IFNGR2: variants seen among roughly 807,000 people sequenced by gnomAD.
IFNGR2 encodes interferon gamma receptor 2.
IFNGR2 carries 15 observed loss-of-function variants against 41.1 expected under a neutral mutation model. That is an observed-to-expected ratio of 0.37 (90% CI 0.24 to 0.56). IFNGR2 has a LOEUF of 0.56. Among genes scored for constraint, IFNGR2 ranks in the 20% least tolerant of loss-of-function variants. The probability of loss-of-function intolerance (pLI) is 0.81; values close to 1 mark genes in which losing one functional copy is unlikely to be tolerated. For synonymous variants in IFNGR2, 161 were observed against 171.6 expected, an observed-to-expected ratio of 0.94 and a Z score of 0.48; for missense variants, 362 against 415.7, an observed-to-expected ratio of 0.87 and a Z score of 1.12.
intron 1 of IFNGR2, among the ~76,000 whole-genome samples, chr21:33,408,538 C>G (rs536556415): frequency 3.3e-5 from 5 of 152,146 alleles, no homozygotes; most frequent in Non-Finnish European, 7.4e-5. Flanking sequence ...ATGCCTGGAT[C>G]TGGGATAGGT....
chr21:33,431,615 C>G (rs760330032), intron 4 of IFNGR2, among the ~76,000 whole-genome samples: 60 of 152,322 alleles, frequency 3.9e-4, no homozygotes, highest in Non-Finnish European at 7.3e-4. Context: ...TGGAGTCTTG[C>G]TCTTCATCCA....
At chr21:33,419,320 C>A (rs569934570) in intron 2 of IFNGR2, among the ~76,000 whole-genome samples, 17 of 152,222 alleles carry the variant, frequency 1.1e-4, no homozygotes, top group South Asian at 1.0e-3. Flanking sequence ...GTTAGCTAGG[C>A]TGGTTTCGAA....
chr21:33,419,161 A>G (rs951056332), intron 2 of IFNGR2, among the ~76,000 whole-genome samples: 1 of 152,196 alleles, frequency 6.6e-6, no homozygotes, highest in Non-Finnish European at 1.5e-5. Context: ...GCTGGACTGC[A>G]GTGGCGTGAT....
intron 2 of IFNGR2, among the ~76,000 whole-genome samples, chr21:33,417,747 C>T (rs2083763810): frequency 1.3e-5 from 2 of 152,156 alleles, no homozygotes; most frequent in Admixed American, 1.3e-4. Flanking sequence ...ACATTACACC[C>T]TAGAGCTAAA....
chr21:33,408,993 A>G (rs1213495957), intron 1 of IFNGR2, among the ~76,000 whole-genome samples: 1 of 151,930 alleles, frequency 6.6e-6, no homozygotes, highest in African/African-American at 2.4e-5. Context: ...CCTGGCCAAG[A>G]TGGTGAAACG....
At chr21:33,411,422 T>A (rs2083714772) in intron 1 of IFNGR2, 1 of 470,906 alleles carries the variant, frequency 2.1e-6, no homozygotes, top group African/African-American at 2.0e-5. Context: ...AAGAAGAGAC[T>A]ATTCCTGTTG....
At chr21:33,413,179 G>T (rs1349153427) in intron 1 of IFNGR2, among the ~76,000 whole-genome samples, 1 of 152,146 alleles carries the variant, frequency 6.6e-6, no homozygotes, top group Non-Finnish European at 1.5e-5. Context: ...CCCCCCTCTG[G>T]AAGCATCCAG....
intron 1 of IFNGR2, among the ~76,000 whole-genome samples, chr21:33,405,139 A>G (rs1364062258): frequency 6.6e-6 from 1 of 151,184 alleles, no homozygotes; most frequent in Non-Finnish European, 1.5e-5. Flanking sequence ...AGAGGAAAAG[A>G]CCTTAATGAC....
chr21:33,414,882 C>T lies in IFNGR2; in HGVS notation c.74-6C>T, dbSNP rs958584242. On this transcript the variant is annotated splice_region_variant and splice_polypyrimidine_tract_variant and intron_variant, in intron 1 of 6. Coordinates refer to ENST00000290219, the MANE Select transcript of IFNGR2 (RefSeq NM_005534.4). ...CTCCCTCTTCTTTTTCTCTGTCCCC[C>T]TCAAGACCCTCTTTCCCAGCTGCCC... 28 of 1,611,858 alleles carry T rather than the reference C, an allele frequency of 1.7e-5. No homozygotes were observed. Among genetic ancestry groups the T allele is most frequent in the Middle Eastern group, 1.6e-4 (1 of 6,084 alleles).
chr21:33,406,395 A>C (rs1442430159), intron 1 of IFNGR2, among the ~76,000 whole-genome samples: 1 of 152,112 alleles, frequency 6.6e-6, no homozygotes, highest in Non-Finnish European at 1.5e-5. Context: ...AAAAAAAGAA[A>C]AGAAAAGTAG....
intron 1 of IFNGR2, among the ~76,000 whole-genome samples, chr21:33,409,434 G>A (rs1199815763): frequency 2.0e-5 from 3 of 152,072 alleles, no homozygotes; most frequent in Non-Finnish European, 2.9e-5. Context: ...ACGCCACTGC[G>A]ACACTGCACT....
chr21:33,411,001 C>A, intron 1 of IFNGR2: 1 of 825,136 alleles, frequency 1.2e-6, no homozygotes, highest in Non-Finnish European at 2.0e-6. Flanking sequence ...GGCCATGTGG[C>A]CTGGAACACA....
At chr21:33,429,468 C>CT (rs2083867249) in intron 4 of IFNGR2, among the ~76,000 whole-genome samples, 1 of 152,182 alleles carries the variant, frequency 6.6e-6, no homozygotes, top group African/African-American at 2.4e-5. Flanking sequence ...GGCCCATACT[C>CT]TGATTTTTTA....
chr21:33,420,317 C>T (rs940453496), intron 2 of IFNGR2, among the ~76,000 whole-genome samples: 10 of 152,050 alleles, frequency 6.6e-5, no homozygotes, highest in Non-Finnish European at 1.2e-4. Context: ...GGATACTGTC[C>T]GCTGCCCCTA....
At chr21:33,432,128 A>G in intron 4 of IFNGR2, 49 bp from the exon 5 acceptor site, 1 of 1,544,016 alleles carries the variant, frequency 6.5e-7, no homozygotes, top group Non-Finnish European at 9.0e-7. Context: ...AGATGTAGGC[A>G]GCTTGGCCAT....
chr21:33,432,063 A>G, intron 4 of IFNGR2, 114 bp from the exon 5 acceptor site: 1 of 990,630 alleles, frequency 1.0e-6, no homozygotes, highest in Non-Finnish European at 1.6e-6. Context: ...TAAAAATGGC[A>G]TCTTGTTCTT....
chr21:33,409,818 C>T (rs2083703702), intron 1 of IFNGR2, among the ~76,000 whole-genome samples: 1 of 152,102 alleles, frequency 6.6e-6, no homozygotes. Context: ...ACACATGTCC[C>T]TTGGTTTCCT....
At chr21:33,434,211 T>C (rs535442241) in intron 6 of IFNGR2, among the ~76,000 whole-genome samples, 1 of 152,154 alleles carries the variant, frequency 6.6e-6, no homozygotes, top group South Asian at 2.1e-4. Context: ...AGAGGCGAGC[T>C]GAGAGAAGAA....
chr21:33,422,440 T>A (rs1389085944), intron 3 of IFNGR2, among the ~76,000 whole-genome samples: 1 of 152,216 alleles, frequency 6.6e-6, no homozygotes, highest in Non-Finnish European at 1.5e-5. Context: ...AGATATTTGA[T>A]ATATAATGAA....
Sources: gnomAD v4.1 joint callset for allele counts (sites outside exome capture counted in the v4.1 genomes callset) on GRCh38, gnomAD v4.1.1 for gene constraint, MANE v1.5 for transcripts, NCBI Gene and HGNC (gene_info 2026-07-23, HGNC 2026-07-21) for gene names.